RTN4RL1: variants seen among roughly 807,000 people sequenced by gnomAD.
RTN4RL1 encodes the protein reticulon 4 receptor like 1.
A neutral mutation model predicts 25.6 loss-of-function variants in RTN4RL1; 7 were observed. The observed-to-expected ratio is 0.27, with a 90% CI of 0.16 to 0.51. RTN4RL1 has a LOEUF of 0.51. Ranked by LOEUF, RTN4RL1 falls within the 20% of genes least tolerant of loss-of-function variation. The pLI, the probability that RTN4RL1 is intolerant of heterozygous loss-of-function variation, is 0.97. For missense variants in RTN4RL1, 500 were observed against 615.6 expected, an observed-to-expected ratio of 0.81 and a Z score of 1.99; for synonymous variants, 297 against 288.2, an observed-to-expected ratio of 1.03 and a Z score of -0.31.
At chr17:1,978,395 G>T (rs1015331875) in intron 1 of RTN4RL1, among the ~76,000 whole-genome samples, 1 of 152,238 alleles carries the variant, frequency 6.6e-6, no homozygotes, top group Non-Finnish European at 1.5e-5. Flanking sequence ...ACCTTCTCCT[G>T]TCCCCAGAGG....
chr17:1,985,387 G>A (rs910390544), intron 1 of RTN4RL1, among the ~76,000 whole-genome samples: 31 of 152,290 alleles, frequency 2.0e-4, no homozygotes, highest in African/African-American at 6.5e-4. Context: ...CCCAGGGCTC[G>A]CAAGCCGCCT....
intron 1 of RTN4RL1, among the ~76,000 whole-genome samples, chr17:1,953,980 T>A (rs1415882995): frequency 6.6e-6 from 1 of 152,226 alleles, no homozygotes; most frequent in African/African-American, 2.4e-5. Context: ...CTTTCAACCA[T>A]GAAGGGACCA....
intron 1 of RTN4RL1, among the ~76,000 whole-genome samples, chr17:1,983,772 G>T (rs990892241): frequency 1.3e-5 from 2 of 151,908 alleles, no homozygotes; most frequent in Non-Finnish European, 2.9e-5. Context: ...GAACTCCTGG[G>T]CTCAAGCAAT....
chr17:1,951,131 G>C (rs1915666860), intron 1 of RTN4RL1, among the ~76,000 whole-genome samples: 1 of 151,764 alleles, frequency 6.6e-6, no homozygotes, highest in African/African-American at 2.4e-5. Flanking sequence ...CAGGTGTGGT[G>C]GTGGGTACCT....
At chr17:1,975,447 T>C (rs2066838868) in intron 1 of RTN4RL1, among the ~76,000 whole-genome samples, 1 of 152,124 alleles carries the variant, frequency 6.6e-6, no homozygotes, top group Non-Finnish European at 1.5e-5. Context: ...GGTCAGGAGT[T>C]GGAGACCAGC....
At chr17:2,021,150 G>A (rs2067195747) in intron 1 of RTN4RL1, among the ~76,000 whole-genome samples, 1 of 152,182 alleles carries the variant, frequency 6.6e-6, no homozygotes, top group Non-Finnish European at 1.5e-5. Flanking sequence ...GGCCAGTAGA[G>A]TCCTTTCATT....
At chr17:2,011,123 T>G (rs574407825) in intron 1 of RTN4RL1, among the ~76,000 whole-genome samples, 1 of 152,122 alleles carries the variant, frequency 6.6e-6, no homozygotes, top group South Asian at 2.1e-4. Flanking sequence ...TGATGGCGCA[T>G]GCCTGTAATC....
chr17:2,010,150 C>T lies in RTN4RL1; in HGVS notation c.13+14703G>A. Among the ~76,000 whole-genome samples, 2 of 127,236 alleles carry T rather than the reference C, an allele frequency of 1.6e-5. 1 individual carries two copies. 83.5% of individuals were successfully genotyped at this position (127,236 alleles called of 152,430 possible). On this transcript the variant is annotated intron_variant, in intron 1 of 1. Transcript: ENST00000331238. ...TGTTAATTTTCTTCAAAGCACTTAC[C>T]CCACCTGATAGAATATAGTTGTTTA... is the stretch of plus-strand genomic sequence containing the variant.
chr17:2,000,970 G>A (rs148443289), intron 1 of RTN4RL1, among the ~76,000 whole-genome samples: 110 of 152,254 alleles, frequency 7.2e-4, no homozygotes, highest in African/African-American at 2.6e-3. Context: ...GCTGTGGAGG[G>A]TCATGGAATA....
chr17:2,003,590 A>T (rs917417088), intron 1 of RTN4RL1: 4 of 152,324 alleles, frequency 2.6e-5, no homozygotes, highest in Admixed American at 2.6e-4. Flanking sequence ...TTTTCAGATG[A>T]CAAAACTGAG....
intron 1 of RTN4RL1, among the ~76,000 whole-genome samples, chr17:1,939,352 CAATAAATAAATAAATAAATA>C (rs56045014): frequency 7.1e-6 from 1 of 139,898 alleles, no homozygotes; most frequent in Non-Finnish European, 1.6e-5. Context: ...AACTCCGTCT[CAATAAATAAATAAATAAATA>C]AATAAATAAA....
intron 1 of RTN4RL1, among the ~76,000 whole-genome samples, chr17:1,944,478 C>A (rs989989513): frequency 2.0e-5 from 3 of 151,980 alleles, no homozygotes; most frequent in Non-Finnish European, 4.4e-5. Flanking sequence ...ATATTTTAGA[C>A]AGAGTCTCGC....
Position 1,937,336 on chromosome 17 carries a change from C to G in RTN4RL1, c.486G>C (p.Glu162Asp). ...CCACGAAGATGTCGTCCTGGAGGTA[C>G]TCGATGTGGTTGTCCTGCAGGTAGA... ...QYLYLQDNHI[E>D]YLQDDIFVDL... Residue 162 changes from glutamate (E) to aspartate (D), a missense_variant, in exon 2 of 2, where the codon GAG (glutamate) becomes GAC (aspartate). By Grantham distance (45) the Glu-to-Asp change is conservative. Around this residue, in one of 2 missense-constraint regions of RTN4RL1, gnomAD observed 232 missense variants for 341.1 expected, o/e 0.68. Transcript: ENST00000331238. 1.9e-6 allele frequency: 3 copies of G among 1,613,660 alleles called. No homozygotes were observed. The highest frequency in any genetic ancestry group is 2.5e-6 in the Non-Finnish European group (3 of 1,179,894).
chr17:1,944,796 C>A (rs1302362026), intron 1 of RTN4RL1, among the ~76,000 whole-genome samples: 1 of 152,130 alleles, frequency 6.6e-6, no homozygotes, highest in Admixed American at 6.5e-5. Flanking sequence ...CTTCTCATGG[C>A]CACCACCCTA....
chr17:2,015,552 A>G (rs2067109780), intron 1 of RTN4RL1, among the ~76,000 whole-genome samples: 1 of 152,160 alleles, frequency 6.6e-6, no homozygotes, highest in Non-Finnish European at 1.5e-5. Flanking sequence ...CCGCAGAACC[A>G]TGGAGGCTGC....
intron 1 of RTN4RL1, among the ~76,000 whole-genome samples, chr17:1,954,383 CTTTTTTTTTTT>C (rs55654151): frequency 8.0e-6 from 1 of 124,356 alleles, no homozygotes; most frequent in Non-Finnish European, 1.6e-5. Context: ...TGCTTCCTTC[CTTTTTTTTTTT>C]TTTTTTTTTT....
At chr17:1,990,229 G>A (rs2066903417) in intron 1 of RTN4RL1, among the ~76,000 whole-genome samples, 1 of 151,740 alleles carries the variant, frequency 6.6e-6, no homozygotes, top group Non-Finnish European at 1.5e-5. Flanking sequence ...CATGGTGGTG[G>A]GCACCTGTAA....
chr17:1,969,618 C>T (rs867980252), intron 1 of RTN4RL1, among the ~76,000 whole-genome samples: 3 of 152,190 alleles, frequency 2.0e-5, no homozygotes, highest in Admixed American at 1.3e-4. Context: ...CTCTATAAAA[C>T]TTGCCCACTC....
At chr17:2,017,246 T>G (rs528358370) in intron 1 of RTN4RL1, among the ~76,000 whole-genome samples, 2 of 152,316 alleles carry the variant, frequency 1.3e-5, no homozygotes, top group South Asian at 4.1e-4. Flanking sequence ...GGGCTGAAAG[T>G]TGGGAGCCCA....
Sources: allele counts gnomAD v4.1 joint callset (sites outside exome capture counted in the v4.1 genomes callset), GRCh38; gene constraint gnomAD v4.1.1; regional missense constraint gnomAD v4.1.1; transcripts MANE v1.5; gene names NCBI Gene and HGNC (gene_info 2026-07-23, HGNC 2026-07-21).